The following FGF13 variants were observed in gnomAD, a reference collection of about 807,000 sequenced individuals.
FGF13 encodes the protein fibroblast growth factor 13, also known as fibroblast growth factor homologous factor 2.
In FGF13, 2 loss-of-function variants were observed where a neutral mutation model predicts 19.5. The ratio of observed to expected loss-of-function variants is 0.10; its 90% CI spans 0.04 to 0.32. The LOEUF (loss-of-function observed/expected upper bound fraction) is 0.32. FGF13 is among the 10% of genes least tolerant of loss of function. The pLI is 1.00. For missense variants in FGF13, 113 were observed against 192.7 expected (o/e 0.59, Z 2.45); for synonymous variants, 72 against 76.9 (o/e 0.94, Z 0.33).
chrX:138,790,499 A>G (rs758964684), intron 3 of FGF13, among the ~76,000 whole-genome samples: 1 of 110,920 alleles, frequency 9.0e-6, no homozygotes, highest in South Asian at 3.9e-4. Flanking sequence ...TTCCTTTTCA[A>G]TAGCCTATCC....
chrX:138,958,990 T>G (rs776445352), intron 1 of FGF13, among the ~76,000 whole-genome samples: 153 of 112,050 alleles, frequency 1.4e-3, no homozygotes, highest in Admixed American at 2.9e-3. Context: ...ATTCACTGAT[T>G]TTTTGAAAGG....
chrX:139,021,483 C>T (rs1470837808), intron 1 of FGF13, among the ~76,000 whole-genome samples: 2 of 111,165 alleles, frequency 1.8e-5, no homozygotes, highest in African/African-American at 6.5e-5. Flanking sequence ...TCAAAAACTG[C>T]CAGACCAACC....
chrX:138,635,802 T>C lies in FGF13; in HGVS notation c.403-147A>G, dbSNP rs1187434789. 8.8e-6 allele frequency: 4 copies of C among 454,696 alleles called. No homozygotes were observed. The East Asian group carries it at 1.5e-4, about 17-fold the overall frequency. The allele number at this position is 454,696 out of a possible 1,213,427, so 37.5% of individuals were successfully genotyped here. A position where few individuals can be genotyped will look rare whatever the true frequency, so the allele number is the denominator to read the frequency against. The stretch of plus-strand genomic sequence containing the variant: ...TCTATTTTAATAGCATAAACTATCA[T>C]CATTGGAAACCATCAGACTACATAT... On this transcript the variant is annotated intron_variant, in intron 3 of 4. Coordinates refer to ENST00000315930, the MANE Select transcript of FGF13 (RefSeq NM_004114.5).
At chrX:139,130,582 G>A (rs763359902) in intron 1 of FGF13, among the ~76,000 whole-genome samples, 1 of 111,832 alleles carries the variant, frequency 8.9e-6, no homozygotes, top group African/African-American at 3.2e-5. Flanking sequence ...CCTGGCATAC[G>A]GTAGGTGCTA....
chrX:139,041,452 G>T (rs1229167187), intron 1 of FGF13, among the ~76,000 whole-genome samples: 1 of 111,360 alleles, frequency 9.0e-6, no homozygotes, highest in Non-Finnish European at 1.9e-5. Flanking sequence ...CTAATACATG[G>T]TTATCTAGGT....
chrX:138,843,858 C>T (rs188525471), intron 3 of FGF13, among the ~76,000 whole-genome samples: 19 of 111,566 alleles, frequency 1.7e-4, no homozygotes, highest in Non-Finnish European at 3.6e-4. Context: ...TAGCATTTGA[C>T]CTTGGTGAGT....
At chrX:138,756,666 C>G (rs1389702197) in intron 3 of FGF13, among the ~76,000 whole-genome samples, 2 of 112,071 alleles carry the variant, frequency 1.8e-5, no homozygotes, top group Non-Finnish European at 3.8e-5. Context: ...AATTCCCCTA[C>G]CCCAGCCCTT....
intron 4 of FGF13, 53 bp downstream of exon 4, chrX:138,635,404 T>G (rs1457231274): frequency 5.5e-6 from 6 of 1,098,940 alleles, no homozygotes; most frequent in Non-Finnish European, 7.5e-6. Flanking sequence ...ATTTAATAAA[T>G]AAATAAGTAT....
intron 1 of FGF13, among the ~76,000 whole-genome samples, chrX:139,142,983 C>A (rs1223898038): frequency 8.9e-6 from 1 of 111,828 alleles, no homozygotes; most frequent in African/African-American, 3.3e-5. Flanking sequence ...TCCTGATAGA[C>A]TTTTTAATGA....
chrX:139,076,532 T>C (rs776996644), intron 1 of FGF13, among the ~76,000 whole-genome samples: 1 of 112,085 alleles, frequency 8.9e-6, no homozygotes, highest in African/African-American at 3.2e-5. Flanking sequence ...GCAATCAACA[T>C]TAGTGGGTGG....
chrX:138,758,640 T>C (rs976836663), intron 3 of FGF13, among the ~76,000 whole-genome samples: 1 of 111,593 alleles, frequency 9.0e-6, no homozygotes, highest in Admixed American at 9.5e-5. Flanking sequence ...TTAAACTGCT[T>C]GGCTCCTGCA....
At chrX:138,978,261 C>T (rs1236450408) in intron 1 of FGF13, among the ~76,000 whole-genome samples, 1 of 60,560 alleles carries the variant, frequency 1.7e-5, no homozygotes, top group African/African-American at 7.1e-5. Context: ...GGGCTAGCTG[C>T]CCTGGTTTTT....
At chrX:138,783,638 T>C (rs1197816170) in intron 3 of FGF13, among the ~76,000 whole-genome samples, 1 of 98,569 alleles carries the variant, frequency 1.0e-5, no homozygotes, top group Admixed American at 1.2e-4. Context: ...CCACTTAGAA[T>C]GGCAATCATT....
chrX:138,658,484 G>A (rs771180143), intron 3 of FGF13, among the ~76,000 whole-genome samples: 6 of 112,427 alleles, frequency 5.3e-5, no homozygotes, highest in Admixed American at 2.8e-4. Flanking sequence ...AGGTATATAA[G>A]TCAAAAGTTA....
At chrX:139,004,014 G>A (rs770395348) in intron 1 of FGF13, among the ~76,000 whole-genome samples, 6 of 112,567 alleles carry the variant, frequency 5.3e-5, no homozygotes, top group East Asian at 2.8e-4. Flanking sequence ...CCAGTACTGC[G>A]CCGTGCACTC....
intron 1 of FGF13, among the ~76,000 whole-genome samples, chrX:138,897,929 A>G (rs1162941610): frequency 9.0e-6 from 1 of 111,453 alleles, no homozygotes; most frequent in Non-Finnish European, 1.9e-5. Context: ...TCAAATATTC[A>G]TAGGACTCTC....
At chrX:138,948,978 C>T (rs944405525) in intron 1 of FGF13, among the ~76,000 whole-genome samples, 8 of 111,803 alleles carry the variant, frequency 7.2e-5, no homozygotes, top group African/African-American at 2.6e-4. Context: ...CACAACAACT[C>T]TATTAGGTAG....
intron 1 of FGF13, among the ~76,000 whole-genome samples, chrX:138,865,413 G>T (rs1470139928): frequency 9.3e-6 from 1 of 107,047 alleles, no homozygotes. Flanking sequence ...ACTCTCTCCA[G>T]TGAAAATTCC....
Position 138,649,759 on chromosome X carries a change from G to A in FGF13, c.403-14104C>T, listed in dbSNP as rs777895906. ...CTATTCTGTTCTCTAGGTAAAGCAG[G>A]TATAAGTTCTGGTTCCAGAAAGAAA... On this transcript the variant is annotated intron_variant, in intron 3 of 4. Coordinates refer to ENST00000315930, the MANE Select transcript of FGF13 (RefSeq NM_004114.5). 6.2e-5 allele frequency among the ~76,000 whole-genome samples: 7 copies of A among 112,319 alleles called. No homozygotes were observed. The East Asian group carries it at 2.0e-3, about 32-fold the overall frequency.
Sources: gnomAD v4.1 joint callset for allele counts (sites outside exome capture counted in the v4.1 genomes callset) on GRCh38, gnomAD v4.1.1 for gene constraint, MANE v1.5 for transcripts, NCBI Gene and HGNC (gene_info 2026-07-23, HGNC 2026-07-21) for gene names.